The following LHCGR variants were observed in gnomAD, a reference collection of about 807,000 sequenced individuals.
The protein encoded by LHCGR is luteinizing hormone/choriogonadotropin receptor.
LHCGR carries 55 observed loss-of-function variants against 60.7 expected under a neutral mutation model. The ratio of observed to expected loss-of-function variants is 0.91; its 90% CI spans 0.73 to 1.13. LHCGR has a LOEUF of 1.13. LHCGR is among the 50% of genes most tolerant of loss of function. LHCGR has a pLI of 0.00. For synonymous variants in LHCGR, 337 were observed against 316.5 expected (o/e 1.06, Z -0.69); for missense variants, 862 against 836.0 (o/e 1.03, Z -0.38).
chr2:48,698,389 A>G (rs1042155145), intron 9 of LHCGR, among the ~76,000 whole-genome samples: 1 of 152,214 alleles, frequency 6.6e-6, no homozygotes, highest in Non-Finnish European at 1.5e-5. Context: ...AGAATTGGCT[A>G]CAAAGGTCTT....
At chr2:48,721,203 A>G (rs1668479246) in intron 6 of LHCGR, 1 of 155,220 alleles carries the variant, frequency 6.4e-6, no homozygotes, top group Non-Finnish European at 1.4e-5. Context: ...ACATGTGGGG[A>G]GACCCCAAAT....
chr2:48,740,414 A>G (rs1330693717), intron 1 of LHCGR, among the ~76,000 whole-genome samples: 5 of 152,346 alleles, frequency 3.3e-5, no homozygotes, highest in Non-Finnish European at 7.3e-5. Context: ...AAAAGACAGC[A>G]GTAACCTCTG....
chr2:48,710,210 G>A (rs12618729), intron 7 of LHCGR, among the ~76,000 whole-genome samples: 27,188 of 151,934 alleles, frequency 0.18, 2,674 homozygotes, highest in East Asian at 0.23. Flanking sequence ...ATCTCACATC[G>A]TCCCATCCCC....
rs181374493 is a variant in LHCGR at position 48,714,422 on chromosome 2, G to A, written c.537-368C>T. Reference sequence around the variant, plus strand: ...CCTCTGGTTTTGCAGGCCGGTGTGGGCATATGGGTTTTCTGGGTGTTGAAA... The same window carrying A: ...CCTCTGGTTTTGCAGGCCGGTGTGGACATATGGGTTTTCTGGGTGTTGAAA... On this transcript the variant is annotated intron_variant, in intron 6 of 10. Transcript: ENST00000294954. 7.6e-4 allele frequency among the ~76,000 whole-genome samples: 116 copies of A among 152,054 alleles called. 3 individuals are homozygous for A. The East Asian group carries it at 0.021, about 27-fold the overall frequency.
chr2:48,708,557 C>G (rs1297875652), intron 8 of LHCGR, among the ~76,000 whole-genome samples: 4 of 151,970 alleles, frequency 2.6e-5, no homozygotes, highest in Admixed American at 6.6e-5. Context: ...CCCACACACA[C>G]ACACACACAC....
At chr2:48,691,876 G>T (rs1047806567) in intron 10 of LHCGR, among the ~76,000 whole-genome samples, 36 of 151,034 alleles carry the variant, frequency 2.4e-4, no homozygotes, top group Non-Finnish European at 4.4e-4. Context: ...GGTTTTAAAG[G>T]CCATCTGATT....
Position 48,694,240 on chromosome 2 carries a change from CT to C in LHCGR, c.930del (p.Val311Ter). On this transcript the variant is annotated frameshift_variant, in exon 10 of 11. Coordinates refer to ENST00000294954, the MANE Select transcript of LHCGR (RefSeq NM_000233.4). LOFTEE classifies it high-confidence loss of function. Reference protein sequence around the residue: ...FSKQCESTVRKVNNKTLYSSM... With the variant: ...FSKQCESTVRXVNNKTLYSSM... ...AATACTTACAGTGTTTTGTTATTCA[CT>C]TTCCTTACTGTGCTTTCACATTGTT... 1 of 1,584,984 alleles carries C rather than the reference CT, an allele frequency of 6.3e-7. No individual in the cohort carries two copies. The highest frequency in any genetic ancestry group is 8.6e-7 in the Non-Finnish European group (1 of 1,156,370).
chr2:48,737,113 CACT>C (rs1669234332), intron 1 of LHCGR, among the ~76,000 whole-genome samples: 1 of 152,220 alleles, frequency 6.6e-6, no homozygotes, highest in African/African-American at 2.4e-5. Flanking sequence ...GCTCTTTGGT[CACT>C]TGCCAGAGCT....
intron 3 of LHCGR, among the ~76,000 whole-genome samples, chr2:48,726,350 A>C (rs1200098545): frequency 1.3e-5 from 2 of 152,172 alleles, no homozygotes; most frequent in Non-Finnish European, 2.9e-5. Flanking sequence ...CTCTTCTGTA[A>C]AATTTGTATA....
intron 8 of LHCGR, among the ~76,000 whole-genome samples, chr2:48,704,436 A>G (rs1041290847): frequency 6.6e-6 from 1 of 152,116 alleles, no homozygotes; most frequent in African/African-American, 2.4e-5. Context: ...CTCTCTTTCT[A>G]TTGATTGGAA....
At chr2:48,717,035 T>C (rs528114678) in intron 6 of LHCGR, among the ~76,000 whole-genome samples, 1 of 152,314 alleles carries the variant, frequency 6.6e-6, no homozygotes, top group African/African-American at 2.4e-5. Context: ...GATGATACTG[T>C]TCTCATCATT....
intron 3 of LHCGR, among the ~76,000 whole-genome samples, chr2:48,726,594 C>A (rs888958524): frequency 6.6e-6 from 1 of 152,112 alleles, no homozygotes; most frequent in African/African-American, 2.4e-5. Flanking sequence ...CCAGTAAATG[C>A]CTTTGGGTTT....
At chr2:48,740,173 C>G (rs1228303454) in intron 1 of LHCGR, among the ~76,000 whole-genome samples, 1 of 152,248 alleles carries the variant, frequency 6.6e-6, no homozygotes, top group African/African-American at 2.4e-5. Flanking sequence ...ATATCCCGCA[C>G]CTGGCTCGGA....
intron 1 of LHCGR, among the ~76,000 whole-genome samples, chr2:48,739,505 C>G (rs1460391204): frequency 6.6e-6 from 1 of 152,120 alleles, no homozygotes; most frequent in African/African-American, 2.4e-5. Flanking sequence ...AGTTCATGTC[C>G]TTTGTAGGGA....
intron 1 of LHCGR, among the ~76,000 whole-genome samples, chr2:48,747,979 G>C (rs936697104): frequency 6.6e-6 from 1 of 152,112 alleles, no homozygotes; most frequent in Non-Finnish European, 1.5e-5. Flanking sequence ...CCAGAACTGA[G>C]CTTAGGGGAT....
intron 1 of LHCGR, among the ~76,000 whole-genome samples, chr2:48,750,041 C>G (rs559432979): frequency 6.6e-6 from 1 of 152,338 alleles, no homozygotes; most frequent in Non-Finnish European, 1.5e-5. Flanking sequence ...CCAGATTAAC[C>G]TCAACCTTGG....
At chr2:48,754,598 C>CG (rs1372948493) in intron 1 of LHCGR, among the ~76,000 whole-genome samples, 9 of 151,960 alleles carry the variant, frequency 5.9e-5, no homozygotes, top group Admixed American at 3.3e-4. Flanking sequence ...TTTCACCACC[C>CG]CCCCGCCCCA....
At chr2:48,715,140 C>G (rs535782179) in intron 6 of LHCGR, among the ~76,000 whole-genome samples, 44 of 152,210 alleles carry the variant, frequency 2.9e-4, no homozygotes, top group African/African-American at 9.9e-4. Flanking sequence ...CCTACTTTCC[C>G]TATACTCCTT....
At chr2:48,741,146 G>A (rs1443999163) in intron 1 of LHCGR, among the ~76,000 whole-genome samples, 4 of 152,040 alleles carry the variant, frequency 2.6e-5, no homozygotes, top group South Asian at 4.1e-4. Context: ...AGAGAAAAAA[G>A]AATAAAAAGA....
Sources: allele counts gnomAD v4.1 joint callset (sites outside exome capture counted in the v4.1 genomes callset), GRCh38; gene constraint gnomAD v4.1.1; transcripts MANE v1.5; gene names NCBI Gene and HGNC (gene_info 2026-07-23, HGNC 2026-07-21).